Variants in ATF2 observed in about 807,000 individuals in gnomAD.
ATF2 encodes activating transcription factor 2.
ATF2 carries 24 observed loss-of-function variants against 60.6 expected under a neutral mutation model. The ratio of observed to expected loss-of-function variants is 0.40; its 90% confidence interval spans 0.29 to 0.56. The LOEUF is 0.56. Among genes scored for constraint, ATF2 ranks in the 20% least tolerant of loss-of-function variants. The pLI is 0.54. For synonymous variants in ATF2, 206 were observed against 215.4 expected, an observed-to-expected ratio of 0.96 and a Z score of 0.38; for missense variants, 433 against 607.7, an observed-to-expected ratio of 0.71 and a Z score of 3.02.
intron 8 of ATF2, chr2:175,114,343 T>C: frequency 1.6e-6 from 2 of 1,263,368 alleles, no homozygotes; most frequent in Non-Finnish European, 2.0e-6. Flanking sequence ...ATCTCCAATT[T>C]GTAAAATGAG....
At chr2:175,097,674 T>C in intron 10 of ATF2, 81 bp from the exon 11 acceptor site, 3 of 1,483,714 alleles carry the variant, frequency 2.0e-6, no homozygotes, top group Non-Finnish European at 2.8e-6. Context: ...CAATAGCACC[T>C]TGGGTAGTTT....
intron 2 of ATF2, among the ~76,000 whole-genome samples, chr2:175,149,710 G>A (rs1699182702): frequency 6.6e-6 from 1 of 152,130 alleles, no homozygotes; most frequent in Admixed American, 6.6e-5. Context: ...GCTTAACATT[G>A]TTTCTAGACC....
intron 10 of ATF2, among the ~76,000 whole-genome samples, chr2:175,108,564 G>A (rs1022287653): frequency 2.0e-5 from 3 of 149,916 alleles, no homozygotes; most frequent in Admixed American, 6.6e-5. Flanking sequence ...GGTGGGGGGC[G>A]CCTCCGCCCG....
chr2:175,086,345 T>C (rs551505182), intron 12 of ATF2, among the ~76,000 whole-genome samples: 94 of 152,178 alleles, frequency 6.2e-4, no homozygotes, highest in Middle Eastern at 3.4e-3. Flanking sequence ...CTGAGAGAAA[T>C]ACTGCAAAGC....
intron 2 of ATF2, among the ~76,000 whole-genome samples, chr2:175,137,114 T>C (rs978324659): frequency 7.2e-5 from 11 of 152,128 alleles, no homozygotes; most frequent in African/African-American, 2.2e-4. Context: ...TAGAGGAAAA[T>C]TGCATTTTTC....
chr2:175,154,211 T>C (rs1028524264), intron 1 of ATF2, among the ~76,000 whole-genome samples: 3 of 144,294 alleles, frequency 2.1e-5, no homozygotes, highest in Admixed American at 6.9e-5. Context: ...CGAAACTCCA[T>C]CTCAAAAAGA....
At chr2:175,085,601 TTC>T (rs902805678) in intron 12 of ATF2, among the ~76,000 whole-genome samples, 6 of 126,896 alleles carry the variant, frequency 4.7e-5, no homozygotes, top group Non-Finnish European at 1.0e-4. Flanking sequence ...CACACACAAA[TTC>T]TCTCTTTAAA....
intron 10 of ATF2, among the ~76,000 whole-genome samples, chr2:175,110,943 A>C (rs1229198905): frequency 6.6e-6 from 1 of 152,154 alleles, no homozygotes; most frequent in Non-Finnish European, 1.5e-5. Flanking sequence ...CAGATCTTCT[A>C]CTAAGAAAAT....
At chr2:175,155,795 A>G (rs1699632593) in intron 1 of ATF2, among the ~76,000 whole-genome samples, 1 of 152,226 alleles carries the variant, frequency 6.6e-6, no homozygotes, top group Non-Finnish European at 1.5e-5. Flanking sequence ...GTTTTTTAAA[A>G]CCAATGACAG....
intron 3 of ATF2, among the ~76,000 whole-genome samples, chr2:175,134,723 A>C (rs938472700): frequency 1.3e-5 from 2 of 152,018 alleles, no homozygotes. Context: ...GTGGCTCATG[A>C]CTATAATCCC....
rs181211714 is a variant in ATF2, at chr2:175,076,903, C to T, written c.1292-2068G>A. 9.4e-4 allele frequency among the ~76,000 whole-genome samples: 142 copies of T among 151,716 alleles called. 5 individuals are homozygous for T. In the East Asian group the frequency reaches 0.024, roughly 25 times the overall value. On this transcript the variant is annotated intron_variant, in intron 13 of 13. Transcript: ENST00000264110. ...TGTTGGTGTGCTGCACCCATTAACT[C>T]GTCATCCAACATTAGGTATATCTCC...
chr2:175,145,576 G>A (rs980679233), intron 2 of ATF2, among the ~76,000 whole-genome samples: 1 of 152,070 alleles, frequency 6.6e-6, no homozygotes, highest in African/African-American at 2.4e-5. Flanking sequence ...CCAGTCTCAG[G>A]TATTTCTTTA....
At chr2:175,110,065 G>A (rs547724603) in intron 10 of ATF2, among the ~76,000 whole-genome samples, 220 of 152,256 alleles carry the variant, frequency 1.4e-3, no homozygotes, top group African/African-American at 5.2e-3. Flanking sequence ...GGCCGGGTGT[G>A]GTGGCTCACG....
intron 12 of ATF2, among the ~76,000 whole-genome samples, chr2:175,084,722 A>T (rs1349130328): frequency 3.9e-5 from 6 of 151,982 alleles, no homozygotes; most frequent in African/African-American, 1.4e-4. Flanking sequence ...CCACAGCCAC[A>T]TACTTTTGTG....
intron 12 of ATF2, among the ~76,000 whole-genome samples, chr2:175,090,367 C>T (rs981970583): frequency 1.3e-5 from 2 of 152,102 alleles, no homozygotes; most frequent in Non-Finnish European, 2.9e-5. Context: ...TTCCATTGTA[C>T]ATATAAACCA....
intron 5 of ATF2, among the ~76,000 whole-genome samples, chr2:175,120,907 G>A (rs540242488): frequency 1.3e-5 from 2 of 151,780 alleles, no homozygotes; most frequent in East Asian, 1.9e-4. Flanking sequence ...CTGCTTAGGT[G>A]ATACTGTACG....
At chr2:175,122,674 T>C (rs1559088219) in intron 4 of ATF2, among the ~76,000 whole-genome samples, 1 of 152,038 alleles carries the variant, frequency 6.6e-6, no homozygotes, top group African/African-American at 2.4e-5. Context: ...ATCTCATGTG[T>C]GCGGCACAAT....
chr2:175,102,756 A>G (rs1363430270), intron 10 of ATF2, among the ~76,000 whole-genome samples: 1 of 152,132 alleles, frequency 6.6e-6, no homozygotes, highest in African/African-American at 2.4e-5. Context: ...ACTCAAAAAA[A>G]AGAGGAAAAA....
At chr2:175,167,460 G>C (rs1418106353) in intron 1 of ATF2, among the ~76,000 whole-genome samples, 1 of 152,118 alleles carries the variant, frequency 6.6e-6, no homozygotes, top group South Asian at 2.1e-4. Context: ...CCAGCTCCTA[G>C]GTTCTCCACA....
Sources: allele counts gnomAD v4.1 joint callset (sites outside exome capture counted in the v4.1 genomes callset), GRCh38; gene constraint gnomAD v4.1.1; transcripts MANE v1.5; gene names NCBI Gene and HGNC (gene_info 2026-07-23, HGNC 2026-07-21).